FNDC3A: variants seen among roughly 807,000 people sequenced by gnomAD.
FNDC3A encodes the protein fibronectin type III domain containing 3A, also known as fibronectin type-III domain-containing protein 3A.
A neutral mutation model predicts 148.9 loss-of-function variants in FNDC3A; 32 were observed. The ratio of observed to expected loss-of-function variants is 0.21; its 90% CI spans 0.16 to 0.29. The LOEUF (loss-of-function observed/expected upper bound fraction) is 0.29. FNDC3A is among the 10% of genes least tolerant of loss of function. FNDC3A has a pLI of 1.00. For missense variants in FNDC3A, 1,191 were observed against 1,452.8 expected (o/e 0.82, Z 2.93); for synonymous variants, 472 against 473.6 (o/e 1.00, Z 0.04).
rs375816482 is a variant in FNDC3A at position 49,160,045 on chromosome 13, T to G, written c.978-7199T>G. Among the ~76,000 whole-genome samples, 8 of 152,368 alleles carry G rather than the reference T, an allele frequency of 5.3e-5. No homozygotes were observed. In the East Asian group the frequency reaches 9.6e-4, roughly 18 times the overall value. On this transcript the variant is annotated intron_variant, in intron 8 of 25. Transcript: ENST00000492622. Reference sequence around the variant, plus strand: ...CAGTATTTTATTGAGGATTTTCACATCGATGTTCATCAGGGATATTGGTCT... The same window carrying G: ...CAGTATTTTATTGAGGATTTTCACAGCGATGTTCATCAGGGATATTGGTCT...
intron 7 of FNDC3A, among the ~76,000 whole-genome samples, chr13:49,141,306 A>G (rs768240561): frequency 6.6e-6 from 1 of 152,200 alleles, no homozygotes; most frequent in Non-Finnish European, 1.5e-5. Flanking sequence ...GTGAAAATCT[A>G]CTGACATTTA....
intron 4 of FNDC3A, among the ~76,000 whole-genome samples, chr13:49,121,290 A>T (rs1881325885): frequency 6.6e-6 from 1 of 152,258 alleles, no homozygotes; most frequent in Admixed American, 6.5e-5. Context: ...ATGTTCTTTG[A>T]AACCAATGAG....
chr13:49,054,826 C>T (rs138106839), intron 2 of FNDC3A, among the ~76,000 whole-genome samples: 70 of 152,338 alleles, frequency 4.6e-4, no homozygotes, highest in African/African-American at 1.6e-3. Context: ...GTCCTGCTTC[C>T]CAGGGACCCT....
chr13:49,167,367 T>A, intron 9 of FNDC3A, 64 bp downstream of exon 9: 1 of 892,838 alleles, frequency 1.1e-6, no homozygotes, highest in Non-Finnish European at 1.7e-6. Context: ...TTTAAATAAT[T>A]ATTTTCTTAA....
At chr13:49,073,800 GTA>G (rs1192156698) in intron 2 of FNDC3A, among the ~76,000 whole-genome samples, 4 of 140,970 alleles carry the variant, frequency 2.8e-5, no homozygotes, top group Admixed American at 7.3e-5. Context: ...TTATATATAT[GTA>G]TATATATTAT....
intron 4 of FNDC3A, 69 bp from the exon 5 acceptor site, chr13:49,131,068 C>CTCTTAACATTT: frequency 1.5e-6 from 2 of 1,304,934 alleles, no homozygotes; most frequent in African/African-American, 2.9e-5. Context: ...GCCTACCCTA[C>CTCTTAACATTT]TCTTAACATT....
intron 3 of FNDC3A, among the ~76,000 whole-genome samples, chr13:49,086,677 A>T (rs1878836527): frequency 6.6e-6 from 1 of 152,194 alleles, no homozygotes; most frequent in Non-Finnish European, 1.5e-5. Context: ...TAAACCATGG[A>T]GAAGTTTGTT....
chr13:49,041,671 C>T (rs1874937719), intron 2 of FNDC3A, among the ~76,000 whole-genome samples: 1 of 151,942 alleles, frequency 6.6e-6, no homozygotes, highest in Non-Finnish European at 1.5e-5. Flanking sequence ...ATTGGCTGGG[C>T]GTGGTGGTGG....
chr13:49,116,622 C>CA (rs1407120062), intron 4 of FNDC3A, among the ~76,000 whole-genome samples: 1 of 151,994 alleles, frequency 6.6e-6, no homozygotes, highest in Non-Finnish European at 1.5e-5. Context: ...CCTGTCTCTA[C>CA]AAAAAATACA....
At chr13:49,203,433 A>G (rs1886510656) in intron 25 of FNDC3A, 149 bp downstream of exon 25, 1 of 582,576 alleles carries the variant, frequency 1.7e-6, no homozygotes, top group Non-Finnish European at 2.9e-6. Context: ...CAAGATTCCA[A>G]ATCTTTTCAG....
chr13:49,009,826 A>G (rs1477922768), intron 2 of FNDC3A, among the ~76,000 whole-genome samples: 1 of 152,216 alleles, frequency 6.6e-6, no homozygotes, highest in African/African-American at 2.4e-5. Context: ...AAAAGGATTG[A>G]ATACATTTAA....
intron 7 of FNDC3A, among the ~76,000 whole-genome samples, chr13:49,144,215 T>C (rs914662025): frequency 1.3e-5 from 2 of 151,916 alleles, no homozygotes; most frequent in Admixed American, 1.3e-4. Flanking sequence ...AAAAACCTGC[T>C]CAGTTTCAAG....
chr13:49,038,249 G>A (rs1200052740), intron 2 of FNDC3A, among the ~76,000 whole-genome samples: 1 of 152,138 alleles, frequency 6.6e-6, no homozygotes, highest in Admixed American at 6.5e-5. Flanking sequence ...AACTTTTTGG[G>A]CATGAAAACA....
At chr13:49,106,411 C>A (rs1214386388) in intron 3 of FNDC3A, among the ~76,000 whole-genome samples, 1 of 152,112 alleles carries the variant, frequency 6.6e-6, no homozygotes, top group Non-Finnish European at 1.5e-5. Flanking sequence ...TTCCTAGGCT[C>A]AAGCAAGATT....
Position 49,136,351 on chromosome 13 carries a change from AAG to A in FNDC3A, c.511_512del (p.Arg171ValfsTer4). 1 of 1,614,076 alleles carries A rather than the reference AAG, an allele frequency of 6.2e-7. No homozygotes were observed. The highest frequency in any genetic ancestry group is 8.5e-7 in the Non-Finnish European group (1 of 1,179,956). ...GDVDAHSTHG[R>X]SNFRDERSSK... ...TCCTAGATGCTCACTCTACACATGG[AAG>A]GTCCAACTTTAGAGATGAACGATCT... On this transcript the variant is annotated frameshift_variant, in exon 6 of 26. Coordinates refer to ENST00000492622, the MANE Select transcript of FNDC3A (RefSeq NM_001079673.2). LOFTEE classifies it high-confidence loss of function.
Position 49,074,039 on chromosome 13 carries a change from A to G in FNDC3A, c.100-1250A>G, listed in dbSNP as rs186047684. 2.0e-4 allele frequency among the ~76,000 whole-genome samples: 30 copies of G among 152,056 alleles called. No individual in the cohort carries two copies. The East Asian group carries it at 4.1e-3, about 21-fold the overall frequency. On this transcript the variant is annotated intron_variant, in intron 2 of 25. Coordinates refer to ENST00000492622, the MANE Select transcript of FNDC3A (RefSeq NM_001079673.2). The stretch of plus-strand genomic sequence containing the variant: ...GACAATGTAGTAAAAGGGTGTTCTC[A>G]TAGACTATGAGAGGGCATTCGAAGT...
chr13:49,150,744 A>C (rs1349599805), intron 8 of FNDC3A, among the ~76,000 whole-genome samples: 1 of 152,092 alleles, frequency 6.6e-6, no homozygotes, highest in Non-Finnish European at 1.5e-5. Context: ...CAAGAGATCA[A>C]GACCATCCTG....
At chr13:49,081,538 A>G (rs1878470401) in intron 3 of FNDC3A, among the ~76,000 whole-genome samples, 1 of 152,196 alleles carries the variant, frequency 6.6e-6, no homozygotes, top group Non-Finnish European at 1.5e-5. Flanking sequence ...GTCCGTGTGT[A>G]TACACATCAT....
intron 2 of FNDC3A, among the ~76,000 whole-genome samples, chr13:49,013,800 A>C (rs1952426611): frequency 7.5e-6 from 1 of 133,430 alleles, no homozygotes; most frequent in South Asian, 2.3e-4. Context: ...TCCTGTGTCC[A>C]TGTGTTCTCT....
Sources: allele counts gnomAD v4.1 joint callset (sites outside exome capture counted in the v4.1 genomes callset), GRCh38; gene constraint gnomAD v4.1.1; transcripts MANE v1.5; gene names NCBI Gene and HGNC (gene_info 2026-07-23, HGNC 2026-07-21).